The following SCN9A variants were observed in gnomAD, a reference collection of about 807,000 sequenced individuals.
SCN9A encodes sodium voltage-gated channel alpha subunit 9.
Under a neutral mutation model 187.0 loss-of-function variants are expected in SCN9A, and 131 were observed. The observed-to-expected ratio is 0.70, with a 90% CI of 0.61 to 0.81. SCN9A has a LOEUF of 0.81. Ranked by LOEUF, SCN9A falls within the 30% of genes least tolerant of loss-of-function variation. SCN9A has a pLI of 0.00. For synonymous variants in SCN9A, 809 were observed against 808.6 expected, an observed-to-expected ratio of 1.00 and a Z score of -0.01; for missense variants, 2,252 against 2,396.6, an observed-to-expected ratio of 0.94 and a Z score of 1.26.
chr2:166,270,943 C>T (rs1000639314), intron 17 of SCN9A, among the ~76,000 whole-genome samples: 6 of 151,736 alleles, frequency 4.0e-5, no homozygotes, highest in Non-Finnish European at 8.8e-5. Flanking sequence ...TTAAATGATG[C>T]CTTAAGACTT....
At position 166,306,221 on chromosome 2, in the gene SCN9A, C is replaced by A. The variant is rs545506688; in HGVS notation, c.467+289G>T. ...ATTCACCCAATCATTTAAAAATACA[C>A]CCATATAATTATAAAACATACACCC... On this transcript the variant is annotated intron_variant, in intron 4 of 26. Coordinates refer to ENST00000642356, the MANE Select transcript of SCN9A (RefSeq NM_001365536.1). Among the ~76,000 whole-genome samples, 4 of 152,150 alleles carry A rather than the reference C, an allele frequency of 2.6e-5. No homozygotes were observed. In the South Asian group the frequency reaches 8.3e-4, roughly 32 times the overall value.
chr2:166,254,787 T>A (rs940366031), intron 17 of SCN9A, among the ~76,000 whole-genome samples: 1 of 151,408 alleles, frequency 6.6e-6, no homozygotes, highest in African/African-American at 2.4e-5. Context: ...TCACATGGAT[T>A]TGATTTCTAA....
intron 21 of SCN9A, among the ~76,000 whole-genome samples, chr2:166,229,934 T>G (rs1272133099): frequency 6.6e-6 from 1 of 152,192 alleles, no homozygotes; most frequent in Non-Finnish European, 1.5e-5. Flanking sequence ...TGTTAAAGAT[T>G]AACCTGTTAG....
rs574643838 is a variant in SCN9A at position 166,297,733 on chromosome 2, T to C, written c.902-3071A>G. Among the ~76,000 whole-genome samples, 6 of 151,864 alleles carry C rather than the reference T, an allele frequency of 4.0e-5. No homozygotes were observed. The South Asian group carries it at 1.0e-3, about 27-fold the overall frequency. On this transcript the variant is annotated intron_variant, in intron 7 of 26. Transcript: ENST00000642356. ...TGAGTATAGTTTAAAAAATGAGTTA[T>C]ACAGTTTAAAAAAAGGAATTTTGTG...
intron 14 of SCN9A, among the ~76,000 whole-genome samples, chr2:166,278,729 T>C (rs933238200): frequency 6.6e-6 from 1 of 152,160 alleles, no homozygotes; most frequent in Non-Finnish European, 1.5e-5. Context: ...ATCTGACTAC[T>C]GTTAGAGTAA....
In SCN9A at chr2:166,305,084, T is replaced by C. The variant is rs375980172; in HGVS notation, c.596+708A>G. Reference sequence around the variant, plus strand: ...TAGGCAGGGATGAAGGAATCGGATATTAGGAATCTTAAGACCCTTCTGTAT... The same window carrying C: ...TAGGCAGGGATGAAGGAATCGGATACTAGGAATCTTAAGACCCTTCTGTAT... On this transcript the variant is annotated intron_variant, in intron 5 of 26. Coordinates refer to ENST00000642356, the MANE Select transcript of SCN9A (RefSeq NM_001365536.1). 4.6e-5 allele frequency among the ~76,000 whole-genome samples: 7 copies of C among 152,150 alleles called. No individual in the cohort carries two copies. The East Asian group carries it at 1.4e-3, about 29-fold the overall frequency.
intron 19 of SCN9A, among the ~76,000 whole-genome samples, chr2:166,239,272 G>C (rs1480028164): frequency 6.7e-6 from 1 of 149,096 alleles, no homozygotes; most frequent in Non-Finnish European, 1.5e-5. Flanking sequence ...AATGATTGCT[G>C]ATCTCAACAG....
At chr2:166,316,379 C>T (rs957653726) in intron 1 of SCN9A, among the ~76,000 whole-genome samples, 1 of 152,064 alleles carries the variant, frequency 6.6e-6, no homozygotes, top group Non-Finnish European at 1.5e-5. Flanking sequence ...ATCAGTGTTG[C>T]CTGTCTGGAT....
intron 18 of SCN9A, among the ~76,000 whole-genome samples, chr2:166,247,257 T>C (rs1361583414): frequency 6.7e-6 from 1 of 148,322 alleles, no homozygotes; most frequent in African/African-American, 2.5e-5. Flanking sequence ...GCATGATCAA[T>C]ATAATTAATT....
chr2:166,271,904 G>A (rs971692646), intron 17 of SCN9A, among the ~76,000 whole-genome samples: 27 of 151,950 alleles, frequency 1.8e-4, no homozygotes, highest in Admixed American at 5.9e-4. Context: ...GATACTTTGC[G>A]GATCATGGAT....
intron 17 of SCN9A, among the ~76,000 whole-genome samples, chr2:166,264,885 C>T (rs1302234319): frequency 6.6e-5 from 10 of 151,950 alleles, no homozygotes; most frequent in South Asian, 2.1e-4. Context: ...ATCTCAGAAA[C>T]CTGAATCCAA....
At chr2:166,246,145 C>T (rs777076192) in intron 18 of SCN9A, among the ~76,000 whole-genome samples, 26 of 151,886 alleles carry the variant, frequency 1.7e-4, no homozygotes, top group Non-Finnish European at 3.1e-4. Context: ...AATGCTTGCT[C>T]TTTGTGCTTA....
At chr2:166,320,101 G>C (rs889568853) in intron 1 of SCN9A, among the ~76,000 whole-genome samples, 1 of 151,888 alleles carries the variant, frequency 6.6e-6, no homozygotes, top group Non-Finnish European at 1.5e-5. Flanking sequence ...ATAAAAATGA[G>C]ACATAAGCAT....
rs919416460 is a variant in SCN9A, at chr2:166,198,541, G to T, written c.*131C>A. ...GCTGCCCACCTTTCTTAGGAAATCA[G>T]AGTTAGTGACTGCACTGCCTTCGAG... On this transcript the variant is annotated 3_prime_UTR_variant, in exon 27 of 27. Coordinates refer to ENST00000642356, the MANE Select transcript of SCN9A (RefSeq NM_001365536.1). The T allele has an allele frequency of 3.6e-5, 24 of 668,638 alleles. No individual in the cohort carries two copies. Among genetic ancestry groups the T allele is most frequent in the Admixed American group, 3.3e-4 (11 of 33,520 alleles). 41.4% of individuals were successfully genotyped at this position (668,638 alleles called of 1,614,324 possible).
chr2:166,296,298 A>T (rs1352292628), intron 7 of SCN9A, among the ~76,000 whole-genome samples: 1 of 152,262 alleles, frequency 6.6e-6, no homozygotes, highest in Non-Finnish European at 1.5e-5. Flanking sequence ...AACAGGAGTT[A>T]TTATAATTAG....
At chr2:166,265,723 CTT>C (rs929503410) in intron 17 of SCN9A, among the ~76,000 whole-genome samples, 3 of 151,844 alleles carry the variant, frequency 2.0e-5, no homozygotes, top group African/African-American at 7.2e-5. Flanking sequence ...CCTTTAAACA[CTT>C]ATATCTTTTG....
chr2:166,235,634 A>G (rs1037119006), intron 20 of SCN9A, among the ~76,000 whole-genome samples: 4 of 151,954 alleles, frequency 2.6e-5, no homozygotes, highest in African/African-American at 9.7e-5. Context: ...TTTTGAGACC[A>G]TCCTTCAAGA....
At chr2:166,225,625 T>C (rs1455659491) in intron 24 of SCN9A, among the ~76,000 whole-genome samples, 3 of 152,180 alleles carry the variant, frequency 2.0e-5, no homozygotes, top group African/African-American at 7.2e-5. Context: ...AGAAGGTACA[T>C]ATAAGTCCTA....
intron 7 of SCN9A, among the ~76,000 whole-genome samples, chr2:166,297,711 G>A (rs1480531495): frequency 2.6e-5 from 4 of 151,882 alleles, no homozygotes; most frequent in South Asian, 2.1e-4. Context: ...ACAACTCTGA[G>A]TATAGTTTAA....
Sources: gnomAD v4.1 joint callset for allele counts (sites outside exome capture counted in the v4.1 genomes callset) on GRCh38, gnomAD v4.1.1 for gene constraint, MANE v1.5 for transcripts, NCBI Gene and HGNC (gene_info 2026-07-23, HGNC 2026-07-21) for gene names.